RORA: variants seen among roughly 807,000 people sequenced by gnomAD.
RORA encodes the protein nuclear receptor ROR-alpha.
In RORA, 7 loss-of-function variants were observed where a neutral mutation model predicts 69.5. The observed-to-expected ratio is 0.10, with a 90% CI of 0.06 to 0.19. RORA has a LOEUF of 0.19. RORA is among the 10% of genes least tolerant of loss of function. RORA has a pLI of 1.00. For synonymous variants in RORA, 261 were observed against 240.8 expected (o/e 1.08, Z -0.78); for missense variants, 457 against 663.0 (o/e 0.69, Z 3.41).
intron 1 of RORA, among the ~76,000 whole-genome samples, chr15:60,917,289 G>T (rs946552301): frequency 2.6e-4 from 40 of 152,084 alleles, no homozygotes; most frequent in Admixed American, 1.3e-4. Context: ...GCTTTTACGT[G>T]GCAAAGCCAT....
chr15:60,929,160 A>G (rs930380281), intron 1 of RORA, among the ~76,000 whole-genome samples: 3 of 152,274 alleles, frequency 2.0e-5, no homozygotes, highest in Admixed American at 1.3e-4. Flanking sequence ...TGAAGGTGTC[A>G]ACAAAGAGGG....
intron 2 of RORA, among the ~76,000 whole-genome samples, chr15:60,631,662 G>A (rs1475474700): frequency 2.0e-5 from 3 of 152,172 alleles, no homozygotes; most frequent in African/African-American, 7.2e-5. Context: ...CTTTGTATTA[G>A]TTTTAACATC....
intron 1 of RORA, among the ~76,000 whole-genome samples, chr15:60,940,301 C>CGTCCAT (rs1472442292): frequency 1.3e-5 from 2 of 152,092 alleles, no homozygotes; most frequent in Non-Finnish European, 2.9e-5. Flanking sequence ...ACAAACTGTA[C>CGTCCAT]GTCCATACGA....
chr15:60,666,768 T>G (rs931815741), intron 2 of RORA, among the ~76,000 whole-genome samples: 1 of 152,092 alleles, frequency 6.6e-6, no homozygotes, highest in Non-Finnish European at 1.5e-5. Flanking sequence ...TGGGAACAGA[T>G]CACTGAGGAT....
At chr15:60,861,024 C>A (rs941707318) in intron 1 of RORA, among the ~76,000 whole-genome samples, 1 of 152,188 alleles carries the variant, frequency 6.6e-6, no homozygotes, top group African/African-American at 2.4e-5. Context: ...ATGATGTGCA[C>A]ACAGTCCTTA....
intron 1 of RORA, among the ~76,000 whole-genome samples, chr15:60,922,741 T>C (rs2140491034): frequency 6.6e-6 from 1 of 152,280 alleles, no homozygotes; most frequent in East Asian, 1.9e-4. Context: ...GAAAAAAGGG[T>C]ATTGTCATGA....
intron 1 of RORA, among the ~76,000 whole-genome samples, chr15:61,015,893 A>T (rs770118364): frequency 2.6e-5 from 4 of 152,242 alleles, no homozygotes; most frequent in Non-Finnish European, 5.9e-5. Context: ...CTTGGACCTC[A>T]GAATTCCTCC....
chr15:61,122,349 C>A lies in RORA; in HGVS notation c.166+106704G>T, dbSNP rs2079111625. On this transcript the variant is annotated intron_variant, in intron 1 of 10. Transcript: ENST00000335670. ...AAAGGGGCAGTTTTGGAAAACTGCA[C>A]ACCAACGGTCTTTTCTAAGAATCCA... is the stretch of plus-strand genomic sequence containing the variant. Among the ~76,000 whole-genome samples the A allele has an allele frequency of 2.6e-5, 4 of 152,180 alleles. No individual in the cohort carries two copies. In the South Asian group the frequency reaches 8.3e-4, roughly 32 times the overall value.
intron 1 of RORA, among the ~76,000 whole-genome samples, chr15:60,717,246 A>G (rs1294132561): frequency 6.6e-6 from 1 of 152,202 alleles, no homozygotes; most frequent in Admixed American, 6.5e-5. Flanking sequence ...TTGTGGTGGT[A>G]TGTATGCAGA....
At chr15:60,795,705 G>A (rs538513675) in intron 1 of RORA, among the ~76,000 whole-genome samples, 12 of 152,186 alleles carry the variant, frequency 7.9e-5, no homozygotes, top group Non-Finnish European at 1.3e-4. Context: ...CAGACAATCA[G>A]AGGAGGCCTT....
At chr15:60,654,983 G>A (rs115125868) in intron 2 of RORA, among the ~76,000 whole-genome samples, 1,599 of 152,156 alleles carry the variant, frequency 0.011, 37 homozygotes, top group African/African-American at 0.037. Flanking sequence ...CGAGTTTGTG[G>A]TATTTTGTTA....
intron 1 of RORA, among the ~76,000 whole-genome samples, chr15:60,889,178 C>A (rs1009832816): frequency 3.3e-5 from 5 of 152,236 alleles, no homozygotes; most frequent in Non-Finnish European, 7.3e-5. Flanking sequence ...CTACTTCCCA[C>A]TTGAACTCCT....
Position 60,537,507 on chromosome 15 carries a change from A to AT in RORA, c.197-5657dup, listed in dbSNP as rs2066716714. Among the ~76,000 whole-genome samples, 1 of 152,188 alleles carries AT rather than the reference A, an allele frequency of 6.6e-6. No homozygotes were observed. The highest frequency in any genetic ancestry group is 2.4e-5 in the African/African-American group (1 of 41,434). ...CAACATGCTTTCTCTCCACTCTGCCATGGGAGGCCCCAGGACACCATAAGG... is the reference window on the plus strand; with the variant it reads ...CAACATGCTTTCTCTCCACTCTGCCATTGGGAGGCCCCAGGACACCATAAGG... On this transcript the variant is annotated intron_variant, in intron 2 of 10. Coordinates refer to ENST00000335670, the MANE Select transcript of RORA (RefSeq NM_134261.3). The surrounding 1 kb of genome is among the most constrained non-coding windows in gnomAD (Gnocchi z 4.9).
intron 1 of RORA, among the ~76,000 whole-genome samples, chr15:60,834,495 G>A (rs1174247900): frequency 6.6e-6 from 1 of 152,200 alleles, no homozygotes; most frequent in Non-Finnish European, 1.5e-5. Context: ...TACTCAGCAA[G>A]CTGCAAAGAG....
intron 1 of RORA, among the ~76,000 whole-genome samples, chr15:60,792,209 G>T (rs2072427429): frequency 6.6e-6 from 1 of 152,166 alleles, no homozygotes; most frequent in Non-Finnish European, 1.5e-5. Flanking sequence ...TGGCAGGAAA[G>T]AGTCAATGGA....
intron 2 of RORA, among the ~76,000 whole-genome samples, chr15:60,612,661 GTTTTTTTTTTTT>G (rs71122864): frequency 2.8e-5 from 3 of 107,154 alleles, no homozygotes; most frequent in Admixed American, 1.1e-4. Flanking sequence ...CTCTCTCTCT[GTTTTTTTTTTTT>G]TTTTTTTTTT....
At chr15:60,748,739 C>T (rs1221038956) in intron 1 of RORA, among the ~76,000 whole-genome samples, 1 of 152,140 alleles carries the variant, frequency 6.6e-6, no homozygotes, top group Non-Finnish European at 1.5e-5. Context: ...ATTTCCATTA[C>T]AGGGTTATAA....
intron 2 of RORA, chr15:60,547,677 T>G (rs1340886382): frequency 2.6e-5 from 4 of 151,792 alleles, no homozygotes; most frequent in Non-Finnish European, 4.4e-5. Context: ...TTCACTTACC[T>G]TTTTCAGCAT....
rs150483586 is a variant in RORA at position 61,046,450 on chromosome 15, T to C, written c.166+182603A>G. ...AATAAGCCTCTCACAAAGGGGAAGGTGGTCGTGGGCACATGGAACTGAGTG... is the reference window on the plus strand; with the variant it reads ...AATAAGCCTCTCACAAAGGGGAAGGCGGTCGTGGGCACATGGAACTGAGTG... On this transcript the variant is annotated intron_variant, in intron 1 of 10. Coordinates refer to ENST00000335670, the MANE Select transcript of RORA (RefSeq NM_134261.3). Among the ~76,000 whole-genome samples, 643 of 152,020 alleles carry C rather than the reference T, an allele frequency of 4.2e-3. 3 individuals are homozygous for C. The highest frequency in any genetic ancestry group is 0.015 in the African/African-American group (612 of 41,480).
Sources: gnomAD v4.1 joint callset for allele counts (sites outside exome capture counted in the v4.1 genomes callset) on GRCh38, gnomAD v4.1.1 for gene constraint, Gnocchi (gnomAD v3.1) non-coding constraint, MANE v1.5 for transcripts, NCBI Gene and HGNC (gene_info 2026-07-23, HGNC 2026-07-21) for gene names.